The following ADGB variants were observed in gnomAD, a reference collection of about 807,000 sequenced individuals.
ADGB encodes the protein calpain-7-like protein.
Under a neutral mutation model 210.5 loss-of-function variants are expected in ADGB, and 172 were observed. The ratio of observed to expected loss-of-function variants is 0.82; its 90% CI spans 0.72 to 0.93. The LOEUF (loss-of-function observed/expected upper bound fraction) is 0.93. Among genes scored for constraint, ADGB ranks in the 40% least tolerant of loss-of-function variants. The pLI, the probability that ADGB is intolerant of heterozygous loss-of-function variation, is 0.00. For missense variants in ADGB, 2,025 were observed against 1,964.8 expected, an observed-to-expected ratio of 1.03 and a Z score of -0.58; for synonymous variants, 658 against 662.7, an observed-to-expected ratio of 0.99 and a Z score of 0.11.
rs562672832 is a variant in ADGB at position 146,718,219 on chromosome 6, C to T, written c.1992+620C>T. ...AAAATTAGCCAGGTGTGGTGGCATGCGCCTGTAATCTCAGCTACTCAGGAG... is the reference window on the plus strand; with the variant it reads ...AAAATTAGCCAGGTGTGGTGGCATGTGCCTGTAATCTCAGCTACTCAGGAG... On this transcript the variant is annotated intron_variant, in intron 16 of 35. Transcript: ENST00000397944. Among the ~76,000 whole-genome samples, 596 of 152,026 alleles carry T rather than the reference C, an allele frequency of 3.9e-3. 2 individuals carry two copies. Among genetic ancestry groups the T allele is most frequent in the Non-Finnish European group, 6.0e-3 (409 of 67,962 alleles).
chr6:146,785,804 A>G, intron 32 of ADGB, 92 bp downstream of exon 32: 1 of 905,452 alleles, frequency 1.1e-6, no homozygotes. Flanking sequence ...GCTTGGTGAA[A>G]AGGAGACATT....
intron 27 of ADGB, 127 bp from the exon 28 acceptor site, chr6:146,763,774 T>TA (rs1005709117): frequency 1.2e-6 from 1 of 834,002 alleles, no homozygotes; most frequent in Non-Finnish European, 1.8e-6. Context: ...CACTGTTTTT[T>TA]ATCTCACTAA....
intron 9 of ADGB, among the ~76,000 whole-genome samples, chr6:146,678,518 C>T (rs1462842391): frequency 6.6e-6 from 1 of 152,128 alleles, no homozygotes; most frequent in African/African-American, 2.4e-5. Context: ...TGTGTCACCA[C>T]GCTCTGTCTA....
Position 146,815,186 on chromosome 6 carries a change from C to A in ADGB, c.4973C>A (p.Thr1658Lys), listed in dbSNP as rs571731617. Residue 1658 changes from threonine (T) to lysine (K), a missense_variant, in exon 36 of 36, where the codon ACA (threonine) becomes AAA (lysine). Thr to Lys is a moderately conservative substitution (Grantham distance 78). Coordinates refer to ENST00000397944, the MANE Select transcript of ADGB (RefSeq NM_024694.4). ...GAAAAGATGACCCCAGCTCCTGACA[C>A]ACAGAAAAAAAAGAAAGGAAAGAAA... The part of the protein sequence containing the change: ...ETEKMTPAPD[T>K]QKKKKGKKK 3.0e-5 allele frequency: 45 copies of A among 1,505,744 alleles called. No homozygotes were observed. The African/African-American group carries it at 5.7e-4, about 19-fold the overall frequency. The allele number at this position is 1,505,744 out of a possible 1,614,324, so 93.3% of individuals were successfully genotyped here. A position where few individuals can be genotyped will look rare whatever the true frequency, so the allele number is the denominator to read the frequency against.
intron 21 of ADGB, among the ~76,000 whole-genome samples, chr6:146,733,535 T>C (rs1281624888): frequency 2.6e-5 from 4 of 152,150 alleles, no homozygotes. Context: ...ATCTATATGG[T>C]TTGATTTGAA....
rs146544858 is a variant in ADGB at position 146,729,725 on chromosome 6, T to A, written c.2520+984T>A. ...TCCCAAAGTTCTGGGGTTAGAGGCA[T>A]CAGCATTGCGCCTGGCCAACATGGG... On this transcript the variant is annotated intron_variant, in intron 20 of 35. Transcript: ENST00000397944. Among the ~76,000 whole-genome samples the A allele has an allele frequency of 3.9e-5, 6 of 152,336 alleles. No individual in the cohort carries two copies. In the East Asian group the frequency reaches 1.2e-3, roughly 29 times the overall value.
intron 2 of ADGB, among the ~76,000 whole-genome samples, chr6:146,638,609 TGG>T (rs775369223): frequency 2.9e-4 from 7 of 24,150 alleles, no homozygotes; most frequent in East Asian, 1.2e-3. Context: ...TGTTGTGGGG[TGG>T]GGGGGGGGGG....
chr6:146,771,656 T>A (rs1248648217), intron 29 of ADGB, among the ~76,000 whole-genome samples: 1 of 152,228 alleles, frequency 6.6e-6, no homozygotes, highest in Non-Finnish European at 1.5e-5. Flanking sequence ...GTGGTAATTT[T>A]GTGTTCCCCT....
chr6:146,742,991 C>T (rs999744383), intron 25 of ADGB, among the ~76,000 whole-genome samples: 3 of 152,134 alleles, frequency 2.0e-5, no homozygotes, highest in Admixed American at 1.3e-4. Context: ...TTGGAAACCC[C>T]TCCTCTAAAC....
chr6:146,614,662 G>C (rs1027546403), intron 1 of ADGB, among the ~76,000 whole-genome samples: 1 of 152,098 alleles, frequency 6.6e-6, no homozygotes, highest in Non-Finnish European at 1.5e-5. Flanking sequence ...AAGGTAATTA[G>C]GATATCCATC....
intron 33 of ADGB, among the ~76,000 whole-genome samples, chr6:146,791,023 A>G (rs1189640290): frequency 1.3e-5 from 2 of 152,098 alleles, no homozygotes; most frequent in Non-Finnish European, 2.9e-5. Flanking sequence ...TTCTTTACCC[A>G]TTTTTTAATG....
intron 8 of ADGB, among the ~76,000 whole-genome samples, 185 bp from the exon 9 acceptor site, chr6:146,676,128 G>T (rs1056395759): frequency 2.0e-5 from 3 of 151,940 alleles, no homozygotes; most frequent in Non-Finnish European, 4.4e-5. Flanking sequence ...AATTTTCAAA[G>T]TTCTCCCTGG....
chr6:146,813,160 A>G (rs1047607373), intron 35 of ADGB, among the ~76,000 whole-genome samples: 15 of 152,228 alleles, frequency 9.9e-5, no homozygotes, highest in African/African-American at 3.6e-4. Context: ...TTTTCAAGAC[A>G]GTTCTATCTT....
chr6:146,803,326 A>T (rs1778160277), intron 35 of ADGB: 2 of 1,608,878 alleles, frequency 1.2e-6, no homozygotes, highest in Non-Finnish European at 1.7e-6. Flanking sequence ...GAAGAACCAG[A>T]ATCACTGGAG....
At position 146,724,301 on chromosome 6, in the gene ADGB, G is replaced by A; in HGVS notation, c.2211G>A (p.Lys737=). ...TGAAGATTCACACATATGCTACCAA[G>A]GCTACAGTGGTTCGTCTGCCTGTTG... ...LVLKIHTYAT[K]ATVVRLPVGR... Residue 737 remains lysine (K), a synonymous_variant, in exon 18 of 36, where the codon AAG becomes AAA. Coordinates refer to ENST00000397944, the MANE Select transcript of ADGB (RefSeq NM_024694.4). 6.5e-7 allele frequency: 1 copy of A among 1,544,180 alleles called. No homozygotes were observed. Among genetic ancestry groups the A allele is most frequent in the Non-Finnish European group, 8.7e-7 (1 of 1,144,664 alleles).
rs148786547 is a variant in ADGB, at chr6:146,733,138, T to C, written c.2539T>C (p.Trp847Arg). 48 of 1,528,154 alleles carry C rather than the reference T, an allele frequency of 3.1e-5. No homozygotes were observed. The Middle Eastern group carries it at 5.1e-4, about 16-fold the overall frequency. The allele number at this position is 1,528,154 out of a possible 1,614,324, so 94.7% of individuals were successfully genotyped here. The part of the protein sequence containing the change: ...QHFRVFHLSL[W>R]RLMKKVQITK... ...GTTTCAGGTTTTTCATCTTTCCTTA[T>C]GGCGTTTAATGAAAAAAGTTCAAAT... The change falls in exon 21 of 36, where the codon TGG (tryptophan) becomes CGG (arginine). Residue 847 changes from tryptophan (W) to arginine (R), a missense_variant. By Grantham distance (101) the Trp-to-Arg change is moderately radical (BLOSUM62 -3). Transcript: ENST00000397944.
chr6:146,678,987 A>G (rs1324818751), intron 9 of ADGB, among the ~76,000 whole-genome samples: 1 of 152,158 alleles, frequency 6.6e-6, no homozygotes, highest in Non-Finnish European at 1.5e-5. Flanking sequence ...TGCCTCTTCT[A>G]CCTCTAGCAT....
intron 23 of ADGB, 36 bp downstream of exon 23, chr6:146,736,627 T>C (rs1436918475): frequency 7.1e-7 from 1 of 1,417,460 alleles, no homozygotes; most frequent in Non-Finnish European, 9.6e-7. Context: ...TTGCAGTATA[T>C]TGTCCTTTTG....
intron 2 of ADGB, among the ~76,000 whole-genome samples, chr6:146,642,988 C>G (rs977324165): frequency 2.6e-5 from 4 of 151,732 alleles, no homozygotes; most frequent in African/African-American, 9.7e-5. Flanking sequence ...GAGGAGAAAT[C>G]AAATAATAGA....
Sources: gnomAD v4.1 joint callset for allele counts (sites outside exome capture counted in the v4.1 genomes callset) on GRCh38, gnomAD v4.1.1 for gene constraint, MANE v1.5 for transcripts, NCBI Gene and HGNC (gene_info 2026-07-23, HGNC 2026-07-21) for gene names.